Variants in ANKRD45 observed in about 807,000 individuals in gnomAD.
The protein encoded by ANKRD45 is ankyrin repeat domain-containing protein 45.
ANKRD45 carries 21 observed loss-of-function variants against 28.1 expected under a neutral mutation model. The observed-to-expected ratio is 0.75, with a 90% CI of 0.53 to 1.08. The LOEUF is 1.08. Ranked by LOEUF, ANKRD45 falls within the 50% of genes least tolerant of loss-of-function variation. ANKRD45 has a pLI of 0.00. For synonymous variants in ANKRD45, 86 were observed against 103.9 expected (o/e 0.83, Z 1.05); for missense variants, 261 against 308.7 (o/e 0.85, Z 1.16).
At chr1:173,639,819 T>C (rs892756252) in intron 3 of ANKRD45, among the ~76,000 whole-genome samples, 11 of 152,350 alleles carry the variant, frequency 7.2e-5, no homozygotes, top group African/African-American at 2.6e-4. Flanking sequence ...ATGCAACAGC[T>C]AATAATGTAG....
upstream of ANKRD45, among the ~76,000 whole-genome samples, chr1:173,674,642 G>C (rs531249046): frequency 6.6e-6 from 1 of 152,076 alleles, no homozygotes; most frequent in African/African-American, 2.4e-5. Flanking sequence ...TTAGAAGTAG[G>C]GGGTGCTTCC....
At chr1:173,707,848 C>T in the ANKRD45 span, among the ~76,000 whole-genome samples, 1 of 152,148 alleles carries the variant, frequency 6.6e-6, no homozygotes, top group East Asian at 1.9e-4. Context: ...AAGTCTAACT[C>T]ATTATATAAG....
upstream of ANKRD45, among the ~76,000 whole-genome samples, chr1:173,672,534 G>A (rs1289901801): frequency 6.6e-6 from 1 of 152,074 alleles, no homozygotes. Flanking sequence ...TGTCTGAAGT[G>A]GAATTAAACA....
At chr1:173,696,770 C>A in the ANKRD45 span, among the ~76,000 whole-genome samples, 1 of 152,002 alleles carries the variant, frequency 6.6e-6, no homozygotes, top group South Asian at 2.1e-4. Flanking sequence ...TTTTTGGTTT[C>A]ATATGAATTT....
chr1:173,664,561 G>A (rs551465837), intron 1 of ANKRD45, among the ~76,000 whole-genome samples: 11 of 152,114 alleles, frequency 7.2e-5, no homozygotes, highest in Non-Finnish European at 1.6e-4. Flanking sequence ...CAAGCTATAA[G>A]CCCACTTTCT....
At chr1:173,655,032 T>C (rs575114456) in intron 2 of ANKRD45, among the ~76,000 whole-genome samples, 1 of 152,350 alleles carries the variant, frequency 6.6e-6, no homozygotes, top group South Asian at 2.1e-4. Flanking sequence ...TTCCTTGCGA[T>C]GGGTTCAAAC....
upstream of ANKRD45, among the ~76,000 whole-genome samples, chr1:173,674,310 G>A (rs1248610695): frequency 6.6e-6 from 1 of 151,810 alleles, no homozygotes; most frequent in East Asian, 1.9e-4. Context: ...CACTGCACTC[G>A]GCCCACCTTC....
the ANKRD45 span, among the ~76,000 whole-genome samples, chr1:173,683,998 T>C: frequency 6.6e-6 from 1 of 152,184 alleles, no homozygotes; most frequent in African/African-American, 2.4e-5. Context: ...CCGCATGGGC[T>C]AAACTAATTC....
Position 173,662,320 on chromosome 1 carries a change from T to C in ANKRD45, c.-15-2887A>G, listed in dbSNP as rs150344044. ...AAATAGGATAATAGTCGAAAGATCA[T>C]TGTGATATGCATTTTAAATTGGTAG... On this transcript the variant is annotated intron_variant, in intron 1 of 5. Coordinates refer to ENST00000333279, the MANE Select transcript of ANKRD45 (RefSeq NM_198493.3). Among the ~76,000 whole-genome samples the C allele has an allele frequency of 2.4e-3, 368 of 152,314 alleles. 1 individual carries two copies. The highest frequency in any genetic ancestry group is 4.0e-3 in the Non-Finnish European group (274 of 68,024).
At chr1:173,651,329 G>A (rs193161841) in intron 2 of ANKRD45, among the ~76,000 whole-genome samples, 15 of 152,250 alleles carry the variant, frequency 9.9e-5, no homozygotes, top group African/African-American at 3.4e-4. Context: ...AGTTTTCCCA[G>A]CACCATTTAT....
chr1:173,653,077 T>C (rs1669315639), intron 2 of ANKRD45, among the ~76,000 whole-genome samples: 3 of 152,214 alleles, frequency 2.0e-5, no homozygotes, highest in Non-Finnish European at 2.9e-5. Flanking sequence ...TTTTGAAGGG[T>C]TTTTTGTGTC....
chr1:173,663,702 A>G (rs1669884654), intron 1 of ANKRD45, among the ~76,000 whole-genome samples: 1 of 152,250 alleles, frequency 6.6e-6, no homozygotes, highest in Non-Finnish European at 1.5e-5. Context: ...CAAGCATAAT[A>G]GCTGGAGCCT....
At chr1:173,696,462 T>C in the ANKRD45 span, among the ~76,000 whole-genome samples, 6 of 152,212 alleles carry the variant, frequency 3.9e-5, no homozygotes, top group Non-Finnish European at 1.5e-5. Flanking sequence ...TGGTGAAACA[T>C]AGGATTCCAG....
At chr1:173,616,361 A>C (rs1479587492) in intron 5 of ANKRD45, among the ~76,000 whole-genome samples, 1 of 152,168 alleles carries the variant, frequency 6.6e-6, no homozygotes, top group Non-Finnish European at 1.5e-5. Context: ...TGTTCAGAGA[A>C]GGCAAATCCA....
At chr1:173,619,174 T>C (rs1667597152) in intron 5 of ANKRD45, among the ~76,000 whole-genome samples, 1 of 152,126 alleles carries the variant, frequency 6.6e-6, no homozygotes, top group South Asian at 2.1e-4. Context: ...TACCAGCCAC[T>C]ACAAAAATAA....
At chr1:173,646,703 G>C in intron 3 of ANKRD45, 143 bp downstream of exon 3, 2 of 767,732 alleles carry the variant, frequency 2.6e-6, no homozygotes, top group Non-Finnish European at 4.1e-6. Flanking sequence ...GAAAGAGGGG[G>C]AAATTTCATG....
intron 3 of ANKRD45, among the ~76,000 whole-genome samples, chr1:173,642,821 A>G (rs1288979652): frequency 1.3e-5 from 2 of 152,208 alleles, no homozygotes; most frequent in African/African-American, 4.8e-5. Context: ...GGTTGAGTAC[A>G]GAATGTGAGG....
At position 173,649,429 on chromosome 1, in the gene ANKRD45, T is replaced by C. The variant is rs549024242; in HGVS notation, c.329-2416A>G. On this transcript the variant is annotated intron_variant, in intron 2 of 5. Coordinates refer to ENST00000333279, the MANE Select transcript of ANKRD45 (RefSeq NM_198493.3). ...TGATGAGTCATGGTAGCCCATTGTT[T>C]ACATTTGCTTTTAATAGTGAAGTTA... is the stretch of plus-strand genomic sequence containing the variant. Among the ~76,000 whole-genome samples the C allele has an allele frequency of 2.1e-4, 32 of 152,322 alleles. No homozygotes were observed. The South Asian group carries it at 6.4e-3, about 31-fold the overall frequency.
chr1:173,661,703 T>C (rs1308691906), intron 1 of ANKRD45, among the ~76,000 whole-genome samples: 1 of 152,178 alleles, frequency 6.6e-6, no homozygotes, highest in Non-Finnish European at 1.5e-5. Flanking sequence ...AATTATTCAC[T>C]CATATAATTC....
Sources: gnomAD v4.1 joint callset for allele counts (sites outside exome capture counted in the v4.1 genomes callset) on GRCh38, gnomAD v4.1.1 for gene constraint, MANE v1.5 for transcripts, NCBI Gene and HGNC (gene_info 2026-07-23, HGNC 2026-07-21) for gene names.